The following WWTR1 variants were observed in gnomAD, a reference collection of about 807,000 sequenced individuals.
WWTR1 encodes WW domain containing transcription regulator 1.
Under a neutral mutation model 40.1 loss-of-function variants are expected in WWTR1, and 13 were observed. That is an observed-to-expected ratio of 0.32 (90% CI 0.21 to 0.52). WWTR1 has a LOEUF of 0.52. Among genes scored for constraint, WWTR1 ranks in the 20% least tolerant of loss-of-function variants. WWTR1 has a pLI of 0.97. For missense variants in WWTR1, 436 were observed against 523.1 expected (o/e 0.83, Z 1.63); for synonymous variants, 230 against 210.1 (o/e 1.09, Z -0.82).
chr3:149,538,124 C>T (rs1228818046), intron 4 of WWTR1, among the ~76,000 whole-genome samples: 8 of 151,988 alleles, frequency 5.3e-5, no homozygotes, highest in African/African-American at 1.7e-4. Flanking sequence ...TTCACCATGT[C>T]GGCCAGGCTG....
At position 149,551,299 on chromosome 3, in the gene WWTR1, C is replaced by CG. The variant is rs1736609076; in HGVS notation, c.569-8763_569-8762insC. ...GGCAGCAAGAGTGAAACTTCGTCTC[C>CG]AAAAAAAAAAGAGTAGAACAGGTAG... is the stretch of plus-strand genomic sequence containing the variant. On this transcript the variant is annotated intron_variant, in intron 3 of 6. Coordinates refer to ENST00000360632, the MANE Select transcript of WWTR1 (RefSeq NM_015472.6). Among the ~76,000 whole-genome samples the CG allele has an allele frequency of 1.5e-5, 2 of 134,520 alleles. 1 individual carries two copies. Among genetic ancestry groups the CG allele is most frequent in the African/African-American group, 5.8e-5 (2 of 34,782 alleles). The allele number at this position is 134,520 out of a possible 152,430, so 88.3% of individuals were successfully genotyped here.
At chr3:149,692,995 G>C (rs536852625) in intron 1 of WWTR1, among the ~76,000 whole-genome samples, 65 of 152,180 alleles carry the variant, frequency 4.3e-4, no homozygotes, top group African/African-American at 1.5e-3. Context: ...AATCATAAAA[G>C]AGAAAAACAT....
At chr3:149,718,245 A>G (rs1307743647) in intron 4 of WWTR1, among the ~76,000 whole-genome samples, 2 of 152,138 alleles carry the variant, frequency 1.3e-5, no homozygotes, top group Non-Finnish European at 2.9e-5. Context: ...GGAATTTTGT[A>G]TCTCAAAGAA....
At chr3:149,591,654 ATATCT>A (rs1738729567) in intron 2 of WWTR1, among the ~76,000 whole-genome samples, 2 of 152,336 alleles carry the variant, frequency 1.3e-5, no homozygotes, top group Admixed American at 6.5e-5. Flanking sequence ...TTTCATGATA[ATATCT>A]TATGTTTTAA....
chr3:149,587,452 C>A lies in WWTR1; in HGVS notation c.432-14452G>T, dbSNP rs537613447. On this transcript the variant is annotated intron_variant, in intron 2 of 6. Coordinates refer to ENST00000360632, the MANE Select transcript of WWTR1 (RefSeq NM_015472.6). ...CAGACCCCACCCAAAAGGTGGGAAG[C>A]GCCGGCAGATGATTCCTTTATTTAT... Among the ~76,000 whole-genome samples the A allele has an allele frequency of 5.3e-5, 8 of 152,212 alleles. No homozygotes were observed. The East Asian group carries it at 1.3e-3, about 26-fold the overall frequency.
At chr3:149,523,537 C>T (rs1035352876) in intron 6 of WWTR1, among the ~76,000 whole-genome samples, 7 of 152,078 alleles carry the variant, frequency 4.6e-5, no homozygotes, top group Admixed American at 3.9e-4. Context: ...TGTGAACCAC[C>T]GTGCCCAGCC....
chr3:149,597,827 C>CT (rs1282582522), intron 2 of WWTR1, among the ~76,000 whole-genome samples: 4 of 152,204 alleles, frequency 2.6e-5, no homozygotes, highest in Non-Finnish European at 4.4e-5. Flanking sequence ...AGGCCGAATC[C>CT]TTTTTTTGTT....
intron 6 of WWTR1, among the ~76,000 whole-genome samples, chr3:149,522,898 A>G (rs1257961780): frequency 6.6e-6 from 1 of 151,500 alleles, no homozygotes; most frequent in Non-Finnish European, 1.5e-5. Flanking sequence ...ACAAACAAAC[A>G]AAAAAACCCC....
chr3:149,705,828 A>G (rs1436322552), upstream of WWTR1, among the ~76,000 whole-genome samples: 1 of 152,212 alleles, frequency 6.6e-6, no homozygotes, highest in Non-Finnish European at 1.5e-5. Context: ...AGTTTCATAT[A>G]ATTGGGTAAG....
intron 2 of WWTR1, among the ~76,000 whole-genome samples, chr3:149,637,546 C>G (rs913158498): frequency 1.3e-5 from 2 of 152,044 alleles, no homozygotes; most frequent in East Asian, 3.9e-4. Flanking sequence ...TCAGTATTAA[C>G]ATTAATCTCA....
At chr3:149,682,831 G>T (rs1714503280) in intron 1 of WWTR1, among the ~76,000 whole-genome samples, 1 of 152,146 alleles carries the variant, frequency 6.6e-6, no homozygotes, top group African/African-American at 2.4e-5. Context: ...GTATAAAAGT[G>T]GATTGAAGTA....
chr3:149,670,742 G>A (rs1422992047), intron 1 of WWTR1: 2 of 151,676 alleles, frequency 1.3e-5, no homozygotes, highest in Non-Finnish European at 2.9e-5. Flanking sequence ...ATAAAAAAAA[G>A]AAGTCAATTC....
At chr3:149,629,256 CTCAG>C (rs1004691770) in intron 2 of WWTR1, among the ~76,000 whole-genome samples, 7 of 152,336 alleles carry the variant, frequency 4.6e-5, no homozygotes, top group Middle Eastern at 6.8e-3. Flanking sequence ...TCACTCCTTT[CTCAG>C]TCAAACTAAA....
intron 2 of WWTR1, among the ~76,000 whole-genome samples, chr3:149,618,823 A>G (rs1740127806): frequency 6.6e-6 from 1 of 152,166 alleles, no homozygotes; most frequent in African/African-American, 2.4e-5. Flanking sequence ...TCCAACTGAG[A>G]GGGCAGTGAC....
At chr3:149,598,024 A>AGTGTTGT (rs573283254) in intron 2 of WWTR1, among the ~76,000 whole-genome samples, 340 of 152,360 alleles carry the variant, frequency 2.2e-3, no homozygotes, top group African/African-American at 7.8e-3. Context: ...ACTCAAGTGC[A>AGTGTTGT]TGCCTGCAGG....
At chr3:149,722,703 T>C (rs1203068782) in intron 4 of WWTR1, among the ~76,000 whole-genome samples, 2 of 151,982 alleles carry the variant, frequency 1.3e-5, no homozygotes, top group South Asian at 2.1e-4. Context: ...CCTTAGGCTC[T>C]GTTCACGTTC....
At position 149,518,319 on chromosome 3, in the gene WWTR1, T is replaced by G. The variant is rs1281373500; in HGVS notation, c.*2486A>C. 3.3e-5 allele frequency: 5 copies of G among 152,236 alleles called. No homozygotes were observed. In the South Asian group the frequency reaches 1.0e-3, roughly 32 times the overall value. The allele number at this position is 152,236 out of a possible 1,614,324, so 9.4% of individuals were successfully genotyped here. A position where few individuals can be genotyped will look rare whatever the true frequency, so the allele number is the denominator to read the frequency against. Reference sequence around the variant, plus strand: ...AAAAATTGGTAATATAAATCATCAATGATTTACCTACTTTAAAAAAGAGGG... The same window carrying G: ...AAAAATTGGTAATATAAATCATCAAGGATTTACCTACTTTAAAAAAGAGGG... On this transcript the variant is annotated 3_prime_UTR_variant, in exon 7 of 7. Transcript: ENST00000360632.
chr3:149,650,720 A>C lies in WWTR1; in HGVS notation c.431+6156T>G, dbSNP rs150412550. The stretch of plus-strand genomic sequence containing the variant: ...GACAATCTAGATTCCAAACAATAAA[A>C]ACTAGACACTTCTCAGATGGAGTTG... On this transcript the variant is annotated intron_variant, in intron 2 of 6. Transcript: ENST00000360632. 2.0e-3 allele frequency among the ~76,000 whole-genome samples: 301 copies of C among 152,320 alleles called. 2 individuals carry two copies. Among genetic ancestry groups the C allele is most frequent in the African/African-American group, 6.8e-3 (283 of 41,560 alleles).
upstream of WWTR1, among the ~76,000 whole-genome samples, chr3:149,662,178 A>T (rs565411264): frequency 5.2e-5 from 7 of 135,534 alleles, no homozygotes; most frequent in East Asian, 1.9e-4. Context: ...AAACCATGTT[A>T]AAAAAAAACA....
Sources: allele counts gnomAD v4.1 joint callset (sites outside exome capture counted in the v4.1 genomes callset), GRCh38; gene constraint gnomAD v4.1.1; transcripts MANE v1.5; gene names NCBI Gene and HGNC (gene_info 2026-07-23, HGNC 2026-07-21).